EPHA5: variants seen among roughly 807,000 people sequenced by gnomAD.
EPHA5 encodes the protein EPH receptor A5.
Under a neutral mutation model 105.0 loss-of-function variants are expected in EPHA5, and 60 were observed. That is an observed-to-expected ratio of 0.57 (90% CI 0.46 to 0.71). The LOEUF is 0.71. Among genes scored for constraint, EPHA5 ranks in the 30% least tolerant of loss-of-function variants. The pLI is 0.00. For missense variants in EPHA5, 1,218 were observed against 1,274.7 expected, an observed-to-expected ratio of 0.96 and a Z score of 0.68; for synonymous variants, 513 against 449.1, an observed-to-expected ratio of 1.14 and a Z score of -1.80.
chr4:65,532,591 T>G (rs930480372), intron 3 of EPHA5, among the ~76,000 whole-genome samples: 24 of 135,356 alleles, frequency 1.8e-4, no homozygotes, highest in African/African-American at 6.6e-4. Flanking sequence ...AATCATTTAT[T>G]ATTTTTCCAA....
In EPHA5 at chr4:65,614,152, T is replaced by A. The variant is rs184548808; in HGVS notation, c.247-11848A>T. Among the ~76,000 whole-genome samples the A allele has an allele frequency of 4.6e-3, 699 of 152,020 alleles. 20 individuals carry two copies. The highest frequency in any genetic ancestry group is 7.7e-4 in the Non-Finnish European group (52 of 67,794). On this transcript the variant is annotated intron_variant, in intron 2 of 16. Transcript: ENST00000613740. ...ACTTGTTCCTTGTCTCACTATATTGTCCCTTAATTATTTTGAGGCCTGTTG... is the reference window on the plus strand; with the variant it reads ...ACTTGTTCCTTGTCTCACTATATTGACCCTTAATTATTTTGAGGCCTGTTG...
At chr4:65,347,371 A>C (rs1344379965) in intron 14 of EPHA5, among the ~76,000 whole-genome samples, 3 of 152,178 alleles carry the variant, frequency 2.0e-5, no homozygotes, top group African/African-American at 7.2e-5. Context: ...CATATGATCC[A>C]AAATAGAAAG....
intron 13 of EPHA5, 101 bp downstream of exon 13, chr4:65,351,288 T>A: frequency 9.2e-7 from 1 of 1,084,718 alleles, no homozygotes; most frequent in South Asian, 1.8e-5. Context: ...TCTTTCTTTT[T>A]GACTTTGTTG....
At chr4:65,453,397 G>A (rs1326555799) in intron 5 of EPHA5, among the ~76,000 whole-genome samples, 5 of 152,044 alleles carry the variant, frequency 3.3e-5, no homozygotes, top group African/African-American at 7.2e-5. Flanking sequence ...TGAAACTGCC[G>A]TGGGCCACAG....
intron 8 of EPHA5, among the ~76,000 whole-genome samples, chr4:65,398,255 C>T (rs1240112908): frequency 6.6e-6 from 1 of 152,160 alleles, no homozygotes; most frequent in Non-Finnish European, 1.5e-5. Flanking sequence ...GCTGTTGTGA[C>T]CCAGGCAGAT....
At chr4:65,428,051 A>T (rs1011506936) in intron 5 of EPHA5, among the ~76,000 whole-genome samples, 1 of 152,148 alleles carries the variant, frequency 6.6e-6, no homozygotes, top group Admixed American at 6.5e-5. Context: ...CATCTCTAAG[A>T]GAATCATGTA....
chr4:65,657,245 T>G (rs1234868894), intron 1 of EPHA5, among the ~76,000 whole-genome samples: 1 of 152,148 alleles, frequency 6.6e-6, no homozygotes, highest in Non-Finnish European at 1.5e-5. Flanking sequence ...CCCCAAGAAA[T>G]TTAAACCATT....
At chr4:65,589,577 A>G (rs1170884062) in intron 3 of EPHA5, among the ~76,000 whole-genome samples, 1 of 152,198 alleles carries the variant, frequency 6.6e-6, no homozygotes, top group Non-Finnish European at 1.5e-5. Flanking sequence ...TGAAGTATGG[A>G]AGACAATCAA....
At chr4:65,576,125 G>GAAA in intron 3 of EPHA5, among the ~76,000 whole-genome samples, 1 of 133,528 alleles carries the variant, frequency 7.5e-6, no homozygotes, top group Non-Finnish European at 1.6e-5. Context: ...AAAAAGAAAA[G>GAAA]AAAAGAAAAG....
intron 3 of EPHA5, among the ~76,000 whole-genome samples, chr4:65,558,876 A>T (rs180991919): frequency 2.9e-3 from 446 of 152,282 alleles, no homozygotes; most frequent in African/African-American, 0.01. Flanking sequence ...CATTTAAAAA[A>T]TTCTTAAAAA....
At chr4:65,554,602 A>T (rs992555674) in intron 3 of EPHA5, among the ~76,000 whole-genome samples, 8 of 151,762 alleles carry the variant, frequency 5.3e-5, no homozygotes, top group Admixed American at 3.3e-4. Flanking sequence ...TTCTATTCTT[A>T]TAACTTTTTC....
intron 8 of EPHA5, among the ~76,000 whole-genome samples, chr4:65,371,575 C>A (rs974307476): frequency 6.6e-6 from 1 of 151,826 alleles, no homozygotes; most frequent in Non-Finnish European, 1.5e-5. Flanking sequence ...TAACTTAGTT[C>A]TTGAGTATAA....
At chr4:65,561,988 C>T (rs1739061579) in intron 3 of EPHA5, among the ~76,000 whole-genome samples, 1 of 152,010 alleles carries the variant, frequency 6.6e-6, no homozygotes, top group Admixed American at 6.6e-5. Flanking sequence ...TTGGAACTAA[C>T]CTGATAAATG....
At chr4:65,615,650 G>T (rs1022759181) in intron 2 of EPHA5, among the ~76,000 whole-genome samples, 1 of 151,924 alleles carries the variant, frequency 6.6e-6, no homozygotes, top group African/African-American at 2.4e-5. Context: ...ACTGAAAAGT[G>T]TATAAATATG....
intron 13 of EPHA5, among the ~76,000 whole-genome samples, chr4:65,349,146 C>G (rs1722579300): frequency 6.6e-6 from 1 of 151,958 alleles, no homozygotes; most frequent in South Asian, 2.1e-4. Context: ...CAAAGTTACA[C>G]TTTCCCTTGA....
In EPHA5 at chr4:65,505,340, T is replaced by C. The variant is rs547590270; in HGVS notation, c.911-9797A>G. The stretch of plus-strand genomic sequence containing the variant: ...TACTATTAATGCTTGTTTTATTGTG[T>C]CATTTTGGTCTTATGAACAAATGGC... On this transcript the variant is annotated intron_variant, in intron 3 of 16. Coordinates refer to ENST00000613740, the MANE Select transcript of EPHA5 (RefSeq NM_001281766.3). Among the ~76,000 whole-genome samples, 51 of 152,160 alleles carry C rather than the reference T, an allele frequency of 3.4e-4. 2 individuals carry two copies. The South Asian group carries it at 0.01, about 31-fold the overall frequency.
At chr4:65,564,549 G>A (rs1012375381) in intron 3 of EPHA5, among the ~76,000 whole-genome samples, 22 of 151,664 alleles carry the variant, frequency 1.5e-4, no homozygotes, top group African/African-American at 5.1e-4. Context: ...GCATATGTGC[G>A]TGTTAACCGA....
intron 3 of EPHA5, among the ~76,000 whole-genome samples, chr4:65,553,093 T>TA (rs1738078130): frequency 6.6e-6 from 1 of 152,108 alleles, no homozygotes; most frequent in Admixed American, 6.6e-5. Context: ...CTCCCAGACA[T>TA]ATTAATAAAA....
chr4:65,633,178 A>C (rs890227855), intron 2 of EPHA5, among the ~76,000 whole-genome samples: 2 of 152,040 alleles, frequency 1.3e-5, no homozygotes, highest in Non-Finnish European at 2.9e-5. Flanking sequence ...AAGCAAGAGG[A>C]GTCTCTCTTC....
Sources: allele counts gnomAD v4.1 joint callset (sites outside exome capture counted in the v4.1 genomes callset), GRCh38; gene constraint gnomAD v4.1.1; transcripts MANE v1.5; gene names NCBI Gene and HGNC (gene_info 2026-07-23, HGNC 2026-07-21).